The following ATP10B variants were observed in gnomAD, a reference collection of about 807,000 sequenced individuals.
ATP10B encodes phospholipid-transporting ATPase VB.
ATP10B carries 122 observed loss-of-function variants against 141.2 expected under a neutral mutation model. That is an observed-to-expected ratio of 0.86 (90% CI 0.75 to 1.00). The LOEUF is 1.00. Among genes scored for constraint, ATP10B ranks in the 50% least tolerant of loss-of-function variants. The pLI, the probability that ATP10B is intolerant of heterozygous loss-of-function variation, is 0.00. For synonymous variants in ATP10B, 685 were observed against 692.0 expected, an observed-to-expected ratio of 0.99 and a Z score of 0.16; for missense variants, 1,876 against 1,825.3, an observed-to-expected ratio of 1.03 and a Z score of -0.51.
chr5:160,778,034 G>A (rs1413651125), intron 2 of ATP10B, among the ~76,000 whole-genome samples: 2 of 152,282 alleles, frequency 1.3e-5, no homozygotes, highest in Non-Finnish European at 1.5e-5. Context: ...TCACTGGAAG[G>A]ATACACACAT....
rs1754465992 is a variant in ATP10B, at chr5:160,565,321, TG to T, written c.*131del. 1.2e-5 allele frequency: 11 copies of T among 948,500 alleles called. No homozygotes were observed. Among genetic ancestry groups the T allele is most frequent in the Non-Finnish European group, 1.7e-5 (11 of 632,126 alleles). 58.8% of individuals were successfully genotyped at this position (948,500 alleles called of 1,614,324 possible). On this transcript the variant is annotated 3_prime_UTR_variant, in exon 26 of 26. Transcript: ENST00000327245. ...CCCCTTGGGGCCAGCACTTCCTCCA[TG>T]GAAGTCAAGGTTGTTGAAGAAAAGA... is the stretch of plus-strand genomic sequence containing the variant.
chr5:160,858,200 G>A, the ATP10B span, among the ~76,000 whole-genome samples: 1 of 151,688 alleles, frequency 6.6e-6, no homozygotes, highest in Admixed American at 6.6e-5. Flanking sequence ...GGTGGATTGA[G>A]CTTTTGACCA....
intron 1 of ATP10B, among the ~76,000 whole-genome samples, chr5:160,846,828 C>T (rs931889352): frequency 2.0e-5 from 3 of 152,210 alleles, no homozygotes; most frequent in Non-Finnish European, 2.9e-5. Context: ...TCTCTTCCTG[C>T]CACATTGTGG....
chr5:160,689,377 G>A lies in ATP10B; in HGVS notation c.-204-434C>T, dbSNP rs142266404. Among the ~76,000 whole-genome samples the A allele has an allele frequency of 3.4e-3, 523 of 152,208 alleles. 5 individuals are homozygous for A. The highest frequency in any genetic ancestry group is 0.012 in the African/African-American group (510 of 41,522). ...ACATAGTGTTGGAAATTCTGTCCAG[G>A]GCAATCAGGCAAGAGAAAGAAATAA... On this transcript the variant is annotated intron_variant, in intron 3 of 25. Coordinates refer to ENST00000327245, the MANE Select transcript of ATP10B (RefSeq NM_025153.3).
intron 1 of ATP10B, among the ~76,000 whole-genome samples, chr5:160,841,283 C>T (rs1775792472): frequency 6.6e-6 from 1 of 151,754 alleles, no homozygotes; most frequent in Non-Finnish European, 1.5e-5. Flanking sequence ...CTCTGGGATA[C>T]ATTGTTAGGT....
chr5:160,746,928 G>T (rs1767845636), intron 2 of ATP10B, among the ~76,000 whole-genome samples: 1 of 152,182 alleles, frequency 6.6e-6, no homozygotes. Flanking sequence ...TTATAGCAGT[G>T]GTGGCAAATT....
intron 1 of ATP10B, among the ~76,000 whole-genome samples, chr5:160,801,714 A>G (rs1453037558): frequency 6.6e-6 from 1 of 152,224 alleles, no homozygotes; most frequent in Non-Finnish European, 1.5e-5. Context: ...GAAGAGCTCA[A>G]CCACTCACCT....
chr5:160,635,509 TAG>T (rs1335070479), intron 11 of ATP10B, among the ~76,000 whole-genome samples: 1 of 152,130 alleles, frequency 6.6e-6, no homozygotes, highest in African/African-American at 2.4e-5. Flanking sequence ...GCATTTAAAA[TAG>T]ATTACTCTGC....
intron 2 of ATP10B, among the ~76,000 whole-genome samples, chr5:160,767,049 T>C (rs1339069127): frequency 6.7e-6 from 1 of 149,672 alleles, no homozygotes; most frequent in Non-Finnish European, 1.5e-5. Flanking sequence ...CGGGCCACAA[T>C]GGAAAAAAAA....
At chr5:160,663,399 A>T (rs1403876119) in intron 7 of ATP10B, among the ~76,000 whole-genome samples, 1 of 152,138 alleles carries the variant, frequency 6.6e-6, no homozygotes, top group Admixed American at 6.6e-5. Context: ...CAAATGCCCA[A>T]CAATGATAGA....
At chr5:160,592,017 C>T (rs914046410) in intron 22 of ATP10B, among the ~76,000 whole-genome samples, 5 of 152,186 alleles carry the variant, frequency 3.3e-5, no homozygotes, top group African/African-American at 1.2e-4. Context: ...AGTCCCTCTT[C>T]CCAGAGCTCC....
At chr5:160,699,089 G>T (rs970295778) in intron 3 of ATP10B, among the ~76,000 whole-genome samples, 1 of 152,256 alleles carries the variant, frequency 6.6e-6, no homozygotes, top group Admixed American at 6.5e-5. Context: ...TTGAAAACTC[G>T]AACTACCTTT....
the ATP10B span, among the ~76,000 whole-genome samples, chr5:160,888,321 T>C: frequency 6.6e-6 from 1 of 152,152 alleles, no homozygotes; most frequent in Admixed American, 6.5e-5. Flanking sequence ...ATCCTGAAAA[T>C]GCAGCAGAGG....
At chr5:160,824,807 T>C (rs1157930116) in intron 1 of ATP10B, among the ~76,000 whole-genome samples, 1 of 152,040 alleles carries the variant, frequency 6.6e-6, no homozygotes, top group Admixed American at 6.5e-5. Context: ...AATGCATGAC[T>C]GTGTAAAGGT....
At chr5:160,824,549 T>C (rs770432584) in intron 1 of ATP10B, among the ~76,000 whole-genome samples, 16 of 152,194 alleles carry the variant, frequency 1.1e-4, no homozygotes, top group Non-Finnish European at 1.9e-4. Flanking sequence ...GTGTACATTA[T>C]GGAGTGAACT....
the ATP10B span, among the ~76,000 whole-genome samples, chr5:160,863,909 C>A: frequency 7.9e-5 from 12 of 152,010 alleles, no homozygotes; most frequent in Admixed American, 2.0e-4. Context: ...GAAATAGAAA[C>A]CCTGAATGGA....
chr5:160,642,706 G>A (rs797009391), intron 9 of ATP10B, among the ~76,000 whole-genome samples: 16 of 152,264 alleles, frequency 1.1e-4, no homozygotes, highest in African/African-American at 1.9e-4. Flanking sequence ...ATAGTTTTGC[G>A]GGCCTGATGT....
At chr5:160,643,624 G>T (rs753972810) in intron 9 of ATP10B, among the ~76,000 whole-genome samples, 1 of 152,184 alleles carries the variant, frequency 6.6e-6, no homozygotes, top group African/African-American at 2.4e-5. Flanking sequence ...ATAAATAAAG[G>T]TAATAGTAAA....
chr5:160,826,612 C>T (rs1446045088), intron 1 of ATP10B, among the ~76,000 whole-genome samples: 1 of 152,138 alleles, frequency 6.6e-6, no homozygotes, highest in Non-Finnish European at 1.5e-5. Flanking sequence ...TAAGGTCTGA[C>T]TGCCTGCAGG....
Sources: gnomAD v4.1 joint callset for allele counts (sites outside exome capture counted in the v4.1 genomes callset) on GRCh38, gnomAD v4.1.1 for gene constraint, MANE v1.5 for transcripts, NCBI Gene and HGNC (gene_info 2026-07-23, HGNC 2026-07-21) for gene names.